Variants in GALNT13 observed in about 807,000 individuals in gnomAD.
GALNT13 encodes polypeptide N-acetylgalactosaminyltransferase 13, also known as UDP-GalNAc:polypeptide N-acetylgalactosaminyltransferase 13.
Under a neutral mutation model 64.2 loss-of-function variants are expected in GALNT13, and 28 were observed. The ratio of observed to expected loss-of-function variants is 0.44; its 90% CI spans 0.32 to 0.60. GALNT13 has a LOEUF of 0.60. Among genes scored for constraint, GALNT13 ranks in the 20% least tolerant of loss-of-function variants. GALNT13 has a pLI of 0.05. For missense variants in GALNT13, 577 were observed against 669.8 expected (o/e 0.86, Z 1.53); for synonymous variants, 214 against 224.6 (o/e 0.95, Z 0.42).
At chr2:154,091,459 C>A (rs1317470581) in intron 3 of GALNT13, among the ~76,000 whole-genome samples, 1 of 151,732 alleles carries the variant, frequency 6.6e-6, no homozygotes, top group Non-Finnish European at 1.5e-5. Flanking sequence ...AAGAAAATAA[C>A]CTTACCAATA....
the GALNT13 span, among the ~76,000 whole-genome samples, chr2:153,574,387 A>T: frequency 2.0e-5 from 3 of 152,022 alleles, no homozygotes; most frequent in African/African-American, 7.2e-5. Context: ...ATTGATATCT[A>T]TCTCTAGATT....
chr2:154,069,228 C>T (rs151098667), intron 3 of GALNT13, among the ~76,000 whole-genome samples: 109 of 151,784 alleles, frequency 7.2e-4, no homozygotes, highest in Non-Finnish European at 1.1e-3. Flanking sequence ...GAAAGTTCTT[C>T]GGCTTGAAGG....
At chr2:154,112,568 A>G (rs1432894681) in intron 3 of GALNT13, among the ~76,000 whole-genome samples, 3 of 152,222 alleles carry the variant, frequency 2.0e-5, no homozygotes, top group Non-Finnish European at 4.4e-5. Context: ...GTCCTTGACC[A>G]TCCAGCCAAA....
the GALNT13 span, among the ~76,000 whole-genome samples, chr2:153,792,611 A>AC: frequency 6.6e-6 from 1 of 152,048 alleles, no homozygotes; most frequent in East Asian, 1.9e-4. Context: ...AATTTTACAC[A>AC]TTTTCACATT....
the GALNT13 span, among the ~76,000 whole-genome samples, chr2:153,645,162 A>G: frequency 4.6e-5 from 7 of 152,166 alleles, no homozygotes; most frequent in Non-Finnish European, 1.0e-4. Context: ...TTATAAGAAT[A>G]TGAAGAAAAA....
At chr2:153,843,251 G>A in the GALNT13 span, among the ~76,000 whole-genome samples, 3 of 152,298 alleles carry the variant, frequency 2.0e-5, no homozygotes, top group East Asian at 5.8e-4. Flanking sequence ...AAAGGCCTGA[G>A]GAAGCTTACA....
At chr2:153,911,350 G>T (rs1476780110) in intron 2 of GALNT13, among the ~76,000 whole-genome samples, 1 of 152,060 alleles carries the variant, frequency 6.6e-6, no homozygotes, top group Non-Finnish European at 1.5e-5. Flanking sequence ...ACTGAGTCTT[G>T]CTTCTTTATT....
chr2:153,860,707 C>T, the GALNT13 span, among the ~76,000 whole-genome samples: 15,685 of 152,056 alleles, frequency 0.1, 1,023 homozygotes, highest in African/African-American at 0.17. Flanking sequence ...TGCTATTTAT[C>T]GGGCTCTCAC....
chr2:154,388,002 T>A (rs1432845450), intron 9 of GALNT13, among the ~76,000 whole-genome samples: 1 of 152,190 alleles, frequency 6.6e-6, no homozygotes, highest in Admixed American at 6.6e-5. Context: ...TCCATACCAC[T>A]TTTATAATGG....
intron 3 of GALNT13, among the ~76,000 whole-genome samples, chr2:153,992,060 A>T (rs1695192054): frequency 6.6e-6 from 1 of 152,224 alleles, no homozygotes; most frequent in Non-Finnish European, 1.5e-5. Flanking sequence ...AAGGGGAAAT[A>T]AACCTTTCAG....
chr2:153,340,392 C>T, the GALNT13 span, among the ~76,000 whole-genome samples: 1 of 152,174 alleles, frequency 6.6e-6, no homozygotes, highest in East Asian at 1.9e-4. Context: ...CAAGGTGGCT[C>T]ACGCCTGTAA....
the GALNT13 span, among the ~76,000 whole-genome samples, chr2:153,470,143 G>A: frequency 2.0e-3 from 300 of 152,270 alleles, 2 homozygotes; most frequent in African/African-American, 6.8e-3. Context: ...GTGTGGAACC[G>A]TAGGAAATAA....
At chr2:153,867,029 A>G (rs148386628), upstream of GALNT13, among the ~76,000 whole-genome samples, 241 of 152,336 alleles carry the variant, frequency 1.6e-3, no homozygotes, top group African/African-American at 5.5e-3. Flanking sequence ...TAAAGCTTGA[A>G]TATGAAGAAT....
At chr2:153,948,088 G>A (rs1691902025) in intron 3 of GALNT13, among the ~76,000 whole-genome samples, 1 of 152,050 alleles carries the variant, frequency 6.6e-6, no homozygotes, top group Admixed American at 6.6e-5. Flanking sequence ...CTGTAGCCCT[G>A]TAGTATAGTT....
intron 8 of GALNT13, chr2:154,286,687 G>T: frequency 3.2e-6 from 1 of 309,292 alleles, no homozygotes; most frequent in Admixed American, 3.9e-5. Context: ...TGTGCATGCT[G>T]GACACAGAGC....
the GALNT13 span, among the ~76,000 whole-genome samples, chr2:153,760,848 T>C: frequency 1.3e-5 from 2 of 152,164 alleles, no homozygotes; most frequent in African/African-American, 4.8e-5. Context: ...ACTCTGATTG[T>C]ATTGCATTTG....
intron 9 of GALNT13, among the ~76,000 whole-genome samples, chr2:154,382,872 T>TTTG (rs1698340146): frequency 6.6e-6 from 1 of 152,032 alleles, no homozygotes; most frequent in South Asian, 2.1e-4. Context: ...TGTGTTTTTC[T>TTTG]TTGTTACTGT....
chr2:154,087,276 A>G (rs568797513), intron 3 of GALNT13, among the ~76,000 whole-genome samples: 8 of 152,134 alleles, frequency 5.3e-5, no homozygotes, highest in African/African-American at 1.9e-4. Flanking sequence ...AATCAATAAG[A>G]CCTTAGGTAA....
chr2:154,369,493 C>A (rs983150686), intron 9 of GALNT13, among the ~76,000 whole-genome samples: 8 of 152,110 alleles, frequency 5.3e-5, no homozygotes, highest in Non-Finnish European at 1.2e-4. Flanking sequence ...CATGTCAGTA[C>A]CACACATAGC....
Sources: gnomAD v4.1 joint callset for allele counts (sites outside exome capture counted in the v4.1 genomes callset) on GRCh38, gnomAD v4.1.1 for gene constraint, MANE v1.5 for transcripts, NCBI Gene and HGNC (gene_info 2026-07-23, HGNC 2026-07-21) for gene names.